C2orf80: variants seen among roughly 807,000 people sequenced by gnomAD.
The protein encoded by C2orf80 is uncharacterized protein C2orf80.
In C2orf80, 28 loss-of-function variants were observed where a neutral mutation model predicts 30.2. The ratio of observed to expected loss-of-function variants is 0.93; its 90% CI spans 0.69 to 1.27. The LOEUF is 1.27. C2orf80 is among the 50% of genes most tolerant of loss of function. C2orf80 has a pLI of 0.00. For synonymous variants in C2orf80, 80 were observed against 76.4 expected (o/e 1.05, Z -0.24); for missense variants, 220 against 231.0 (o/e 0.95, Z 0.31).
At chr2:208,176,669 A>C (rs976655437) in intron 6 of C2orf80, among the ~76,000 whole-genome samples, 1 of 152,000 alleles carries the variant, frequency 6.6e-6, no homozygotes, top group Non-Finnish European at 1.5e-5. Flanking sequence ...AACTTACTTC[A>C]TTCCCACGAC....
intron 2 of C2orf80, 84 bp downstream of exon 2, chr2:208,186,862 A>T (rs7572263): frequency 8.4e-7 from 1 of 1,189,434 alleles, no homozygotes; most frequent in Non-Finnish European, 1.3e-6. Flanking sequence ...ATTTTTACCC[A>T]CTGCCAATAC....
Position 208,165,606 on chromosome 2 carries a change from G to GGT in C2orf80, c.*200_*201insAC. 2.1e-6 allele frequency: 1 copy of GGT among 477,994 alleles called. No individual in the cohort carries two copies. The allele number at this position is 477,994 out of a possible 1,614,324, so 29.6% of individuals were successfully genotyped here. A position where few individuals can be genotyped will look rare whatever the true frequency, so the allele number is the denominator to read the frequency against. ...CACAATGAAGTAGCATAAGGTCACA[G>GGT]TTTTTTTTTTTAAGAAAATGTAGCC... is the stretch of plus-strand genomic sequence containing the variant. On this transcript the variant is annotated 3_prime_UTR_variant, in exon 9 of 9. Coordinates refer to ENST00000341287, the MANE Select transcript of C2orf80 (RefSeq NM_001099334.3).
At chr2:208,176,824 T>C (rs1696312995) in intron 6 of C2orf80, among the ~76,000 whole-genome samples, 1 of 142,966 alleles carries the variant, frequency 7.0e-6, no homozygotes, top group South Asian at 2.3e-4. Flanking sequence ...TGCTTAACAT[T>C]ACACAACCTG....
intron 2 of C2orf80, among the ~76,000 whole-genome samples, chr2:208,185,984 G>C (rs1380728046): frequency 6.6e-6 from 1 of 152,034 alleles, no homozygotes; most frequent in Non-Finnish European, 1.5e-5. Context: ...AATATGACTC[G>C]CATCAGCATG....
chr2:208,176,955 GTATACAT>G (rs1696351687), intron 6 of C2orf80, among the ~76,000 whole-genome samples: 2 of 64,096 alleles, frequency 3.1e-5, no homozygotes, highest in African/African-American at 1.0e-4. Flanking sequence ...ATACATATCT[GTATACAT>G]ATGTATACAT....
At chr2:208,175,660 T>C (rs778987098) in intron 6 of C2orf80, among the ~76,000 whole-genome samples, 1 of 152,284 alleles carries the variant, frequency 6.6e-6, no homozygotes, top group East Asian at 1.9e-4. Flanking sequence ...GGATTTTAGC[T>C]GTTGCTTAGG....
Position 208,165,602 on chromosome 2 carries a change from C to A in C2orf80, c.*205G>T. On this transcript the variant is annotated 3_prime_UTR_variant, in exon 9 of 9. Coordinates refer to ENST00000341287, the MANE Select transcript of C2orf80 (RefSeq NM_001099334.3). ...CAGTCACAATGAAGTAGCATAAGGT[C>A]ACAGTTTTTTTTTTTAAGAAAATGT... 1 of 511,156 alleles carries A rather than the reference C, an allele frequency of 2.0e-6. No individual in the cohort carries two copies. The highest frequency in any genetic ancestry group is 3.3e-6 in the Non-Finnish European group (1 of 306,170). The allele number at this position is 511,156 out of a possible 1,614,324, so 31.7% of individuals were successfully genotyped here. A position where few individuals can be genotyped will look rare whatever the true frequency, so the allele number is the denominator to read the frequency against.
At chr2:208,182,851 T>C (rs1696601670) in intron 4 of C2orf80, 114 bp downstream of exon 4, 5 of 838,544 alleles carry the variant, frequency 6.0e-6, no homozygotes, top group Admixed American at 5.3e-5. Context: ...ATTCACCCAG[T>C]AGTGTTTTCA....
intron 8 of C2orf80, among the ~76,000 whole-genome samples, chr2:208,170,342 T>A (rs1031732190): frequency 7.9e-5 from 12 of 152,214 alleles, no homozygotes; most frequent in Non-Finnish European, 1.5e-4. Context: ...AGCCCAGAGC[T>A]GGAAGAACAA....
chr2:208,181,213 C>A lies in C2orf80; in HGVS notation c.294+5G>T. 1 of 1,571,368 alleles carries A rather than the reference C, an allele frequency of 6.4e-7. No homozygotes were observed. The highest frequency in any genetic ancestry group is 8.8e-7 in the Non-Finnish European group (1 of 1,141,674). On this transcript the variant is annotated splice_donor_5th_base_variant and intron_variant, in intron 5 of 8. Coordinates refer to ENST00000341287, the MANE Select transcript of C2orf80 (RefSeq NM_001099334.3). Reference sequence around the variant, plus strand: ...CATATAGGCAGATAGTATTCTTTTCCTTACCATTAAGATTCCAGCATAAGA... The same window carrying A: ...CATATAGGCAGATAGTATTCTTTTCATTACCATTAAGATTCCAGCATAAGA...
Position 208,168,478 on chromosome 2 carries a change from G to A in C2orf80, c.573+2467C>T, listed in dbSNP as rs13389507. 1.7e-3 allele frequency: 346 copies of A among 204,978 alleles called. 1 individual carries two copies. Among genetic ancestry groups the A allele is most frequent in the African/African-American group, 8.0e-3 (335 of 41,864 alleles). The allele number at this position is 204,978 out of a possible 1,614,324, so 12.7% of individuals were successfully genotyped here. On this transcript the variant is annotated intron_variant, in intron 8 of 8. Coordinates refer to ENST00000341287, the MANE Select transcript of C2orf80 (RefSeq NM_001099334.3). ...CGCGAGGTCAGGAGATCGAGACCAC[G>A]GTGAAACCCCGTCTCTACTAAAAAT...
intron 4 of C2orf80, among the ~76,000 whole-genome samples, chr2:208,182,114 GA>G (rs1052308004): frequency 4.6e-5 from 7 of 151,848 alleles, no homozygotes; most frequent in African/African-American, 1.7e-4. Flanking sequence ...CCATTGAGTA[GA>G]AAAAAAATAA....
chr2:208,180,449 C>CAAAAAAAA (rs59005854), intron 6 of C2orf80, among the ~76,000 whole-genome samples: 1 of 129,164 alleles, frequency 7.7e-6, no homozygotes, highest in African/African-American at 2.7e-5. Context: ...GACTCTGTCT[C>CAAAAAAAA]AAAAAAAAAA....
At chr2:208,179,290 G>T (rs1373796252) in intron 6 of C2orf80, among the ~76,000 whole-genome samples, 1 of 152,208 alleles carries the variant, frequency 6.6e-6, no homozygotes, top group East Asian at 1.9e-4. Flanking sequence ...AGGAAAGTTG[G>T]TTTCAATGTA....
At chr2:208,175,471 T>C (rs1181329656) in intron 6 of C2orf80, among the ~76,000 whole-genome samples, 1 of 151,946 alleles carries the variant, frequency 6.6e-6, no homozygotes, top group African/African-American at 2.4e-5. Flanking sequence ...GCTAACAGAG[T>C]AGGTGAGCAA....
intron 3 of C2orf80, 152 bp downstream of exon 3, chr2:208,184,799 A>T: frequency 3.7e-6 from 2 of 539,816 alleles, no homozygotes; most frequent in Non-Finnish European, 6.5e-6. Flanking sequence ...GACCATATGA[A>T]CAATCTCAGG....
chr2:208,171,713 T>C (rs2105894114), intron 7 of C2orf80, among the ~76,000 whole-genome samples: 1 of 107,760 alleles, frequency 9.3e-6, no homozygotes, highest in South Asian at 3.4e-4. Context: ...CCTCCCAAAG[T>C]GCTGGGATTA....
At chr2:208,170,604 A>G (rs1415563637) in intron 8 of C2orf80, among the ~76,000 whole-genome samples, 1 of 152,202 alleles carries the variant, frequency 6.6e-6, no homozygotes, top group African/African-American at 2.4e-5. Context: ...TAACTTGTGG[A>G]TAGTATTTTT....
chr2:208,177,465 C>T (rs936987605), intron 6 of C2orf80, among the ~76,000 whole-genome samples: 3 of 151,942 alleles, frequency 2.0e-5, no homozygotes, highest in Admixed American at 6.6e-5. Context: ...CACTTGAACC[C>T]GGGAGGCGTA....
Sources: allele counts gnomAD v4.1 joint callset (sites outside exome capture counted in the v4.1 genomes callset), GRCh38; gene constraint gnomAD v4.1.1; transcripts MANE v1.5; gene names NCBI Gene and HGNC (gene_info 2026-07-23, HGNC 2026-07-21).